Variants in GPATCH11 observed in about 807,000 individuals in gnomAD.
The protein encoded by GPATCH11 is G-patch domain containing 11.
In GPATCH11, 32 loss-of-function variants were observed where a neutral mutation model predicts 44.8. The ratio of observed to expected loss-of-function variants is 0.71; its 90% CI spans 0.54 to 0.96. The LOEUF (loss-of-function observed/expected upper bound fraction) is 0.96, where lower values mean the gene tolerates loss of function less well. GPATCH11 is among the 40% of genes least tolerant of loss of function. The pLI, the probability that GPATCH11 is intolerant of heterozygous loss-of-function variation, is 0.00. For synonymous variants in GPATCH11, 84 were observed against 94.4 expected (o/e 0.89, Z 0.64); for missense variants, 324 against 303.1 (o/e 1.07, Z -0.51).
chr2:37,093,445 TTA>T (rs1428794236), intron 6 of GPATCH11, among the ~76,000 whole-genome samples: 1 of 152,242 alleles, frequency 6.6e-6, no homozygotes, highest in African/African-American at 2.4e-5. Context: ...AAAATTTCCC[TTA>T]TATATAGATT....
intron 7 of GPATCH11, among the ~76,000 whole-genome samples, chr2:37,094,714 G>C (rs949773540): frequency 2.0e-5 from 3 of 152,148 alleles, no homozygotes; most frequent in Non-Finnish European, 4.4e-5. Context: ...GACCAAAACT[G>C]GTGGATCACT....
At chr2:37,087,423 A>G (rs951536710) in intron 1 of GPATCH11, among the ~76,000 whole-genome samples, 1 of 152,280 alleles carries the variant, frequency 6.6e-6, no homozygotes, top group African/African-American at 2.4e-5. Flanking sequence ...CTAGAAATGC[A>G]GAACCTCAGG....
intron 6 of GPATCH11, among the ~76,000 whole-genome samples, chr2:37,093,549 T>G (rs1232030601): frequency 6.6e-6 from 1 of 152,198 alleles, no homozygotes; most frequent in African/African-American, 2.4e-5. Context: ...ATATATGTAT[T>G]ATTTTGTACC....
chr2:37,095,556 A>G (rs773602051), intron 8 of GPATCH11, 38 bp downstream of exon 8: 30 of 1,518,124 alleles, frequency 2.0e-5, no homozygotes, highest in Non-Finnish European at 2.3e-5. Flanking sequence ...AAATAGATGA[A>G]TGCTCTCCAA....
intron 5 of GPATCH11, 21 bp downstream of exon 5, chr2:37,092,057 G>A (rs1385790305): frequency 1.2e-6 from 2 of 1,611,984 alleles, no homozygotes; most frequent in East Asian, 2.2e-5. Context: ...TTTTGAGCTG[G>A]TTTTGGTTCT....
chr2:37,084,792 A>G (rs916015721), intron 1 of GPATCH11, among the ~76,000 whole-genome samples: 2 of 152,198 alleles, frequency 1.3e-5, no homozygotes, highest in African/African-American at 4.8e-5. Context: ...TTTATACTGT[A>G]GGTCCATTTC....
At chr2:37,093,219 G>T (rs769625392) in intron 6 of GPATCH11, among the ~76,000 whole-genome samples, 20 of 152,116 alleles carry the variant, frequency 1.3e-4, no homozygotes, top group Non-Finnish European at 2.9e-4. Context: ...CTCTGGCTGG[G>T]CATGGTGGCT....
In GPATCH11 at chr2:37,096,900, CAAGGAG is replaced by C. The variant is rs1673613719; in HGVS notation, c.*641_*646del. ...TCCTACACTTCTTGCTTTGAAGGAG[CAAGGAG>C]AAGTTCCCTTCCCTCCATCCAAGCA... is the stretch of plus-strand genomic sequence containing the variant. On this transcript the variant is annotated 3_prime_UTR_variant, in exon 9 of 9. Transcript: ENST00000674370. The C allele has an allele frequency of 1.3e-5, 2 of 151,784 alleles. No homozygotes were observed. The highest frequency in any genetic ancestry group is 2.9e-5 in the Non-Finnish European group (2 of 67,990). The allele number at this position is 151,784 out of a possible 1,614,324, so 9.4% of individuals were successfully genotyped here.
chr2:37,088,361 A>G lies in GPATCH11; in HGVS notation c.-13-8A>G. Reference sequence around the variant, plus strand: ...TAAAAAAAAAAGTAATTATTACTTTATTTGTAGATACTATAGCCATATGAA... The same window carrying G: ...TAAAAAAAAAAGTAATTATTACTTTGTTTGTAGATACTATAGCCATATGAA... On this transcript the variant is annotated splice_region_variant and splice_polypyrimidine_tract_variant and intron_variant, in intron 1 of 8. Coordinates refer to ENST00000674370, the MANE Select transcript of GPATCH11 (RefSeq NM_174931.4). 1 of 1,390,924 alleles carries G rather than the reference A, an allele frequency of 7.2e-7. No homozygotes were observed. Among genetic ancestry groups the G allele is most frequent in the Non-Finnish European group, 9.9e-7 (1 of 1,014,860 alleles). 86.2% of individuals were successfully genotyped at this position (1,390,924 alleles called of 1,614,324 possible).
At chr2:37,093,642 A>G (rs1028668293) in intron 6 of GPATCH11, among the ~76,000 whole-genome samples, 2 of 152,122 alleles carry the variant, frequency 1.3e-5, no homozygotes, top group Non-Finnish European at 2.9e-5. Flanking sequence ...TTGCATCCCC[A>G]TAGTTCATGG....
At position 37,096,735 on chromosome 2, in the gene GPATCH11, G is replaced by A. The variant is rs1673604841; in HGVS notation, c.*472G>A. On this transcript the variant is annotated 3_prime_UTR_variant, in exon 9 of 9. Coordinates refer to ENST00000674370, the MANE Select transcript of GPATCH11 (RefSeq NM_174931.4). ...CCTTGTTGGGGCAGAGCCCATCTTT[G>A]CATTCTGAGACCAGTTAGCTTTCAA... 3 of 158,082 alleles carry A rather than the reference G, an allele frequency of 1.9e-5. No homozygotes were observed. The Admixed American group carries it at 1.9e-4, about 10-fold the overall frequency. The allele number at this position is 158,082 out of a possible 1,614,324, so 9.8% of individuals were successfully genotyped here.
intron 2 of GPATCH11, among the ~76,000 whole-genome samples, chr2:37,089,293 G>C (rs370561765): frequency 1.3e-5 from 2 of 152,166 alleles, no homozygotes; most frequent in African/African-American, 2.4e-5. Context: ...TTGGCCAGGC[G>C]TGGAAGCTCA....
chr2:37,095,336 C>A, intron 7 of GPATCH11, 101 bp from the exon 8 acceptor site: 1 of 1,356,642 alleles, frequency 7.4e-7, no homozygotes, highest in Non-Finnish European at 9.9e-7. Flanking sequence ...CAGAGTATAG[C>A]AGAATATTTA....
chr2:37,091,050 C>T (rs1192938463), intron 4 of GPATCH11, among the ~76,000 whole-genome samples: 4 of 152,116 alleles, frequency 2.6e-5, no homozygotes, highest in African/African-American at 4.8e-5. Context: ...GTTGGCCGGG[C>T]GTGGTGGCTC....
rs1450658534 is a variant in GPATCH11, at chr2:37,096,311, G to A, written c.*48G>A. ...ACTTGAAAAATGTTATTACTTCCTA[G>A]GGATAGACAATTTAGCAGTTGGAAA... On this transcript the variant is annotated 3_prime_UTR_variant, in exon 9 of 9. Transcript: ENST00000674370. 8.3e-7 allele frequency: 1 copy of A among 1,202,430 alleles called. No individual in the cohort carries two copies. The highest frequency in any genetic ancestry group is 1.5e-5 in the African/African-American group (1 of 65,404). The allele number at this position is 1,202,430 out of a possible 1,614,324, so 74.5% of individuals were successfully genotyped here.
chr2:37,087,077 C>T (rs984366498), intron 1 of GPATCH11, among the ~76,000 whole-genome samples: 1 of 152,212 alleles, frequency 6.6e-6, no homozygotes, highest in Non-Finnish European at 1.5e-5. Flanking sequence ...CCCAGCTTCA[C>T]ATTCTCCCAG....
Position 37,090,674 on chromosome 2 carries a change from C to G in GPATCH11, c.287-7C>G. 6.8e-7 allele frequency: 1 copy of G among 1,463,126 alleles called. No homozygotes were observed. The highest frequency in any genetic ancestry group is 1.2e-5 in the South Asian group (1 of 80,220). 90.6% of individuals were successfully genotyped at this position (1,463,126 alleles called of 1,614,324 possible). A position where few individuals can be genotyped will look rare whatever the true frequency, so the allele number is the denominator to read the frequency against. ...TTCTAAAATAGTTTGTATTCATTCT[C>G]TTTAAGGGGGTGGTATTGTTGAACC... On this transcript the variant is annotated splice_region_variant and splice_polypyrimidine_tract_variant and intron_variant, in intron 3 of 8. Coordinates refer to ENST00000674370, the MANE Select transcript of GPATCH11 (RefSeq NM_174931.4).
In GPATCH11 at chr2:37,096,313, G is replaced by A. The variant is rs767593382; in HGVS notation, c.*50G>A. On this transcript the variant is annotated 3_prime_UTR_variant, in exon 9 of 9. Coordinates refer to ENST00000674370, the MANE Select transcript of GPATCH11 (RefSeq NM_174931.4). Reference sequence around the variant, plus strand: ...TTGAAAAATGTTATTACTTCCTAGGGATAGACAATTTAGCAGTTGGAAATC... The same window carrying A: ...TTGAAAAATGTTATTACTTCCTAGGAATAGACAATTTAGCAGTTGGAAATC... 1 of 1,191,078 alleles carries A rather than the reference G, an allele frequency of 8.4e-7. No homozygotes were observed. Among genetic ancestry groups the A allele is most frequent in the Non-Finnish European group, 1.2e-6 (1 of 836,620 alleles). The allele number at this position is 1,191,078 out of a possible 1,614,324, so 73.8% of individuals were successfully genotyped here. A position where few individuals can be genotyped will look rare whatever the true frequency, so the allele number is the denominator to read the frequency against.
At chr2:37,095,222 G>C (rs888663219) in intron 7 of GPATCH11, among the ~76,000 whole-genome samples, 2 of 152,194 alleles carry the variant, frequency 1.3e-5, no homozygotes, top group African/African-American at 4.8e-5. Flanking sequence ...TTAACAAGCA[G>C]TCTCCATTGT....
Sources: gnomAD v4.1 joint callset for allele counts (sites outside exome capture counted in the v4.1 genomes callset) on GRCh38, gnomAD v4.1.1 for gene constraint, MANE v1.5 for transcripts, NCBI Gene and HGNC (gene_info 2026-07-23, HGNC 2026-07-21) for gene names.